Variants in CHIC1 observed in about 807,000 individuals in gnomAD.
CHIC1 encodes the protein cysteine-rich hydrophobic domain-containing protein 1.
In CHIC1, 7 loss-of-function variants were observed where a neutral mutation model predicts 18.5. That is an observed-to-expected ratio of 0.38 (90% confidence interval 0.22 to 0.71). The LOEUF (loss-of-function observed/expected upper bound fraction) is 0.71. CHIC1 is among the 30% of genes least tolerant of loss of function. CHIC1 has a pLI of 0.49. For missense variants in CHIC1, 159 were observed against 176.9 expected, an observed-to-expected ratio of 0.90 and a Z score of 0.57; for synonymous variants, 77 against 73.5, an observed-to-expected ratio of 1.05 and a Z score of -0.25.
chrX:73,652,609 C>A (rs1162427908), intron 3 of CHIC1, among the ~76,000 whole-genome samples: 2 of 111,943 alleles, frequency 1.8e-5, no homozygotes, highest in African/African-American at 6.5e-5. Flanking sequence ...ATTTATGTGG[C>A]CAACAAACAT....
At chrX:73,574,759 T>A (rs1207557209) in intron 1 of CHIC1, among the ~76,000 whole-genome samples, 1 of 110,964 alleles carries the variant, frequency 9.0e-6, no homozygotes, top group East Asian at 2.8e-4. Context: ...TTATGTGGGA[T>A]AGGTTGTAAT....
chrX:73,646,487 A>G (rs1187975392), intron 3 of CHIC1, among the ~76,000 whole-genome samples: 2 of 111,948 alleles, frequency 1.8e-5, no homozygotes, highest in African/African-American at 3.2e-5. Flanking sequence ...ATATCCTTCC[A>G]TTTGTGTGTT....
At chrX:73,660,861 A>G (rs1028371818) in intron 3 of CHIC1, among the ~76,000 whole-genome samples, 2 of 111,928 alleles carry the variant, frequency 1.8e-5, no homozygotes, top group African/African-American at 6.5e-5. Flanking sequence ...GTCTTTCCAT[A>G]AAACGGTGGG....
chrX:73,672,009 A>C (rs1489433446), intron 3 of CHIC1, among the ~76,000 whole-genome samples: 3 of 111,152 alleles, frequency 2.7e-5, no homozygotes, highest in Non-Finnish European at 5.7e-5. Flanking sequence ...TATGAGTGAG[A>C]ACATGCGGTG....
chrX:73,584,617 T>A (rs1285130171), intron 3 of CHIC1, 45 bp downstream of exon 3: 3 of 974,195 alleles, frequency 3.1e-6, no homozygotes, highest in Non-Finnish European at 4.1e-6. Flanking sequence ...AACTAACATT[T>A]ATGGAAAACT....
At chrX:73,594,143 TTTG>T (rs2057595519) in intron 3 of CHIC1, among the ~76,000 whole-genome samples, 1 of 53,120 alleles carries the variant, frequency 1.9e-5, no homozygotes, top group South Asian at 1.2e-3. Flanking sequence ...GGTGCTTTCC[TTTG>T]TTTTGTTTTG....
At chrX:73,670,712 T>C (rs1417657165) in intron 3 of CHIC1, among the ~76,000 whole-genome samples, 2 of 111,476 alleles carry the variant, frequency 1.8e-5, no homozygotes, top group African/African-American at 6.5e-5. Context: ...TTTTGGTATG[T>C]TTTTCCTTTT....
intron 3 of CHIC1, among the ~76,000 whole-genome samples, chrX:73,585,027 A>T (rs371865788): frequency 1.3e-4 from 15 of 111,832 alleles, no homozygotes; most frequent in Non-Finnish European, 1.9e-4. Flanking sequence ...TATGTCATGG[A>T]TTTAAGAGTA....
At chrX:73,630,645 T>C (rs1042342351) in intron 3 of CHIC1, among the ~76,000 whole-genome samples, 3 of 111,818 alleles carry the variant, frequency 2.7e-5, no homozygotes, top group African/African-American at 9.8e-5. Context: ...TTTGCTGATA[T>C]TGTGTTCAAG....
At chrX:73,594,064 A>G (rs1359715728) in intron 3 of CHIC1, among the ~76,000 whole-genome samples, 1 of 109,750 alleles carries the variant, frequency 9.1e-6, no homozygotes, top group Admixed American at 9.7e-5. Flanking sequence ...TATTATTTGG[A>G]TGGGACTTTT....
Position 73,655,432 on chromosome X carries a change from G to A in CHIC1, c.508-23894G>A, listed in dbSNP as rs747590968. Among the ~76,000 whole-genome samples the A allele has an allele frequency of 1.4e-4, 9 of 64,487 alleles. 1 individual carries two copies. Among genetic ancestry groups the A allele is most frequent in the South Asian group, 7.8e-4 (1 of 1,279 alleles). The allele number at this position is 64,487 out of a possible 115,157, so 56.0% of individuals were successfully genotyped here. On this transcript the variant is annotated intron_variant, in intron 3 of 5. Coordinates refer to ENST00000373502, the MANE Select transcript of CHIC1 (RefSeq NM_001039840.4). ...ACAATATTGTGTATATATAGTGTGTGTATATATATACATATATACACAATA... is the reference window on the plus strand; with the variant it reads ...ACAATATTGTGTATATATAGTGTGTATATATATATACATATATACACAATA...
rs928554792 is a variant in CHIC1 at position 73,596,139 on chromosome X, ATAGT to A, written c.507+11570_507+11573del. On this transcript the variant is annotated intron_variant, in intron 3 of 5. Coordinates refer to ENST00000373502, the MANE Select transcript of CHIC1 (RefSeq NM_001039840.4). ...TGTAGGTTCCCTGTTCACTCTGATG[ATAGT>A]TAAACTTCTAAAGCTGATAAGCAAC... is the stretch of plus-strand genomic sequence containing the variant. Among the ~76,000 whole-genome samples, 5 of 111,679 alleles carry A rather than the reference ATAGT, an allele frequency of 4.5e-5. No individual in the cohort carries two copies. The Admixed American group carries it at 4.8e-4, about 11-fold the overall frequency.
At chrX:73,630,734 AG>A (rs1322793145) in intron 3 of CHIC1, among the ~76,000 whole-genome samples, 32 of 111,987 alleles carry the variant, frequency 2.9e-4, no homozygotes, top group Non-Finnish European at 5.8e-4. Flanking sequence ...CTTTGGTATC[AG>A]GGTAATGCTG....
intron 3 of CHIC1, among the ~76,000 whole-genome samples, chrX:73,624,597 A>G (rs2057775224): frequency 8.9e-6 from 1 of 112,089 alleles, no homozygotes. Flanking sequence ...TAACTGCTCA[A>G]TATAATTTTT....
At chrX:73,576,755 A>G (rs2057501350) in intron 1 of CHIC1, among the ~76,000 whole-genome samples, 1 of 111,091 alleles carries the variant, frequency 9.0e-6, no homozygotes, top group Admixed American at 9.5e-5. Context: ...CAAGCAAGTG[A>G]GCAAAGCCTT....
intron 3 of CHIC1, among the ~76,000 whole-genome samples, chrX:73,608,963 C>T (rs1383169765): frequency 9.4e-6 from 1 of 106,400 alleles, no homozygotes; most frequent in Non-Finnish European, 1.9e-5. Flanking sequence ...ACCAGCCTGG[C>T]CAACTTATAG....
rs898950853 is a variant in CHIC1 at position 73,686,114 on chromosome X, T to C, written c.*5109T>C. 7.2e-5 allele frequency: 8 copies of C among 111,660 alleles called. No individual in the cohort carries two copies. The highest frequency in any genetic ancestry group is 1.3e-4 in the Non-Finnish European group (7 of 52,914). The allele number at this position is 111,660 out of a possible 1,213,427, so 9.2% of individuals were successfully genotyped here. ...AGTATGTTTTTGATTAATAATAAAATAAGAAATCCTATTATGTGCAACTTA... is the reference window on the plus strand; with the variant it reads ...AGTATGTTTTTGATTAATAATAAAACAAGAAATCCTATTATGTGCAACTTA... On this transcript the variant is annotated 3_prime_UTR_variant, in exon 6 of 6. Coordinates refer to ENST00000373502, the MANE Select transcript of CHIC1 (RefSeq NM_001039840.4).
At chrX:73,578,205 AC>A (rs2057509611) in intron 2 of CHIC1, among the ~76,000 whole-genome samples, 1 of 110,714 alleles carries the variant, frequency 9.0e-6, no homozygotes, top group South Asian at 3.7e-4. Flanking sequence ...ATCATGTTGT[AC>A]ACCTTAAATA....
intron 3 of CHIC1, among the ~76,000 whole-genome samples, chrX:73,597,639 A>G (rs897123661): frequency 1.9e-5 from 2 of 107,861 alleles, no homozygotes; most frequent in Non-Finnish European, 3.8e-5. Context: ...ATATATACGC[A>G]CTATAAGTTT....
Sources: gnomAD v4.1 joint callset for allele counts (sites outside exome capture counted in the v4.1 genomes callset) on GRCh38, gnomAD v4.1.1 for gene constraint, MANE v1.5 for transcripts, NCBI Gene and HGNC (gene_info 2026-07-23, HGNC 2026-07-21) for gene names.